The following FERMT1 variants were observed in gnomAD, a reference collection of about 807,000 sequenced individuals.
The protein encoded by FERMT1 is FERM domain containing kindlin 1, also known as fermitin family homolog 1.
A neutral mutation model predicts 85.3 loss-of-function variants in FERMT1; 60 were observed. The observed-to-expected ratio is 0.70, with a 90% CI of 0.57 to 0.87. The LOEUF is 0.87. FERMT1 is among the 40% of genes least tolerant of loss of function. The pLI is 0.00. For missense variants in FERMT1, 701 were observed against 818.9 expected, an observed-to-expected ratio of 0.86 and a Z score of 1.76; for synonymous variants, 275 against 301.1, an observed-to-expected ratio of 0.91 and a Z score of 0.90.
intron 14 of FERMT1, among the ~76,000 whole-genome samples, 160 bp from the exon 15 acceptor site, chr20:6,077,506 T>C (rs150191129): frequency 1.6e-3 from 245 of 152,176 alleles, no homozygotes; most frequent in African/African-American, 5.5e-3. Context: ...ATTAAACGCT[T>C]CCAGAAAACA....
At position 6,115,731 on chromosome 20, in the gene FERMT1, G is replaced by T. The variant is rs1983077140; in HGVS notation, c.385+80C>A. 5.8e-6 allele frequency: 6 copies of T among 1,040,208 alleles called. No individual in the cohort carries two copies. In the East Asian group the frequency reaches 1.4e-4, roughly 25 times the overall value. The allele number at this position is 1,040,208 out of a possible 1,614,324, so 64.4% of individuals were successfully genotyped here. On this transcript the variant is annotated intron_variant, in intron 3 of 14. Coordinates refer to ENST00000217289, the MANE Select transcript of FERMT1 (RefSeq NM_017671.5). ...GAGTGTTCTGTAGCAATTACTTGAA[G>T]TAGGCAGAATGCACACATAATTTTC...
chr20:6,083,264 A>C (rs896941907), intron 13 of FERMT1, among the ~76,000 whole-genome samples: 2 of 152,100 alleles, frequency 1.3e-5, no homozygotes, highest in African/African-American at 4.8e-5. Flanking sequence ...GGGGATAACA[A>C]ATGAGGATGC....
At chr20:6,084,893 G>A (rs569487940) in intron 12 of FERMT1, among the ~76,000 whole-genome samples, 173 bp downstream of exon 12, 8 of 152,146 alleles carry the variant, frequency 5.3e-5, no homozygotes, top group East Asian at 3.9e-4. Context: ...GGATTTTACC[G>A]TGTTGCCCAG....
At chr20:6,111,435 C>A (rs2123142926) in intron 4 of FERMT1, among the ~76,000 whole-genome samples, 1 of 152,112 alleles carries the variant, frequency 6.6e-6, no homozygotes. Context: ...AGTTTGAGAC[C>A]AGCCTGGCCA....
In FERMT1 at chr20:6,119,490, T is replaced by A. The variant is rs368952038; in HGVS notation, c.65A>T (p.Asn22Ile). 9 of 1,614,052 alleles carry A rather than the reference T, an allele frequency of 5.6e-6. No homozygotes were observed. Among genetic ancestry groups the A allele is most frequent in the Non-Finnish European group, 6.8e-6 (8 of 1,180,030 alleles). Residue 22 changes from asparagine to isoleucine, a missense_variant, in exon 2 of 15, where the codon AAT becomes ATT. Coordinates refer to ENST00000217289, the MANE Select transcript of FERMT1 (RefSeq NM_017671.5). Reference protein sequence around the residue: ...WELVVRVDHPNEEQQKDVTLR... With the variant: ...WELVVRVDHPIEEQQKDVTLR... ...TGTGACGTCTTTCTGCTGCTCTTCA[T>A]TGGGATGGTCAACGCGGACCACAAG...
chr20:6,085,078 G>C lies in FERMT1; in HGVS notation c.1581C>G (p.His527Gln). 1 of 1,613,644 alleles carries C rather than the reference G, an allele frequency of 6.2e-7. No individual in the cohort carries two copies. The highest frequency in any genetic ancestry group is 8.5e-7 in the Non-Finnish European group (1 of 1,179,554). The change falls in exon 12 of 15, where the codon CAC becomes CAG. Residue 527 changes from histidine to glutamine, a missense_variant. Physicochemically the swap from His to Gln is conservative, Grantham distance 24 (BLOSUM62 0). Coordinates refer to ENST00000217289, the MANE Select transcript of FERMT1 (RefSeq NM_017671.5). ...CFVSPRCAKRHKSKQLAARIL... is the reference protein window; with the variant it reads ...CFVSPRCAKRQKSKQLAARIL... ...AGATTAACAGTACCTGTTTGGATTT[G>C]TGTCTTTTTGCACACCGTGGTGACA...
chr20:6,077,102 G>A lies in FERMT1; in HGVS notation c.*71C>T, dbSNP rs961187389. On this transcript the variant is annotated 3_prime_UTR_variant, in exon 15 of 15. Transcript: ENST00000217289. ...AGTCCAGAATCTACATGCTGGGCAC[G>A]TTAGGGATCCCTCTGGGGAGGGGCG... 11 of 1,490,294 alleles carry A rather than the reference G, an allele frequency of 7.4e-6. No individual in the cohort carries two copies. The highest frequency in any genetic ancestry group is 1.0e-5 in the Non-Finnish European group (11 of 1,069,116). 92.3% of individuals were successfully genotyped at this position (1,490,294 alleles called of 1,614,324 possible). A position where few individuals can be genotyped will look rare whatever the true frequency, so the allele number is the denominator to read the frequency against.
At chr20:6,089,127 C>T in intron 9 of FERMT1, 38 bp from the exon 10 acceptor site, 1 of 1,601,388 alleles carries the variant, frequency 6.2e-7, no homozygotes, top group Non-Finnish European at 8.5e-7. Flanking sequence ...AAACCACCAC[C>T]CAGAAATGTG....
rs1011878002 is a variant in FERMT1, at chr20:6,075,097, G to C, written c.*2076C>G. 1.4e-5 allele frequency: 2 copies of C among 139,196 alleles called. No individual in the cohort carries two copies. The highest frequency in any genetic ancestry group is 5.3e-5 in the African/African-American group (2 of 37,524). 8.6% of individuals were successfully genotyped at this position (139,196 alleles called of 1,614,324 possible). ...TTGTTTATTTCTTTGGGATGTTGCTGTGTGTCATGGAAGAAACGCTCCCCT... is the reference window on the plus strand; with the variant it reads ...TTGTTTATTTCTTTGGGATGTTGCTCTGTGTCATGGAAGAAACGCTCCCCT... On this transcript the variant is annotated 3_prime_UTR_variant, in exon 15 of 15. Transcript: ENST00000217289.
chr20:6,118,655 A>G (rs1004406771), intron 2 of FERMT1, among the ~76,000 whole-genome samples: 3 of 152,232 alleles, frequency 2.0e-5, no homozygotes, highest in Admixed American at 2.0e-4. Context: ...ATGTTATTAA[A>G]TTCTAGGTTG....
rs988572028 is a variant in FERMT1 at position 6,076,967 on chromosome 20, A to G, written c.*206T>C. 4 of 600,628 alleles carry G rather than the reference A, an allele frequency of 6.7e-6. No homozygotes were observed. The highest frequency in any genetic ancestry group is 1.9e-5 in the African/African-American group (1 of 53,848). 37.2% of individuals were successfully genotyped at this position (600,628 alleles called of 1,614,324 possible). Reference sequence around the variant, plus strand: ...CTACCCATTTTATAGAAAAAACAAGAGAGGCTCCTTCCGTGGCTGGTAGCA... The same window carrying G: ...CTACCCATTTTATAGAAAAAACAAGGGAGGCTCCTTCCGTGGCTGGTAGCA... On this transcript the variant is annotated 3_prime_UTR_variant, in exon 15 of 15. Transcript: ENST00000217289.
At chr20:6,107,054 G>A (rs1982815044) in intron 6 of FERMT1, among the ~76,000 whole-genome samples, 1 of 152,028 alleles carries the variant, frequency 6.6e-6, no homozygotes, top group Non-Finnish European at 1.5e-5. Context: ...AAATTAGCTG[G>A]GCATGGTTGC....
Position 6,085,072 on chromosome 20 carries a change from G to A in FERMT1, c.1587C>T (p.Ser529=), listed in dbSNP as rs764473884. The A allele has an allele frequency of 3.1e-6, 5 of 1,613,012 alleles. No homozygotes were observed. The South Asian group carries it at 4.4e-5, about 14-fold the overall frequency. The change falls in exon 12 of 15, where the codon TCC becomes TCT. Residue 529 remains serine, a synonymous_variant. Coordinates refer to ENST00000217289, the MANE Select transcript of FERMT1 (RefSeq NM_017671.5). ...VSPRCAKRHK[S]KQLAARILEA... is the part of the protein sequence containing the mutation. Reference sequence around the variant, plus strand: ...CTAACAAGATTAACAGTACCTGTTTGGATTTGTGTCTTTTTGCACACCGTG... The same window carrying A: ...CTAACAAGATTAACAGTACCTGTTTAGATTTGTGTCTTTTTGCACACCGTG...
intron 1 of FERMT1, among the ~76,000 whole-genome samples, chr20:6,122,458 A>C (rs552688914): frequency 2.0e-5 from 3 of 152,288 alleles, no homozygotes; most frequent in African/African-American, 4.8e-5. Flanking sequence ...GGAATATCTG[A>C]AGGTGCTTGG....
In FERMT1 at chr20:6,110,332, G is replaced by A. The variant is rs886513862; in HGVS notation, c.712C>T (p.Arg238Trp). Residue 238 changes from arginine (R) to tryptophan (W), a missense_variant, in exon 5 of 15, where the codon CGG becomes TGG. Coordinates refer to ENST00000217289, the MANE Select transcript of FERMT1 (RefSeq NM_017671.5). ...PEALADMYQP[R>W]SLVDKAKLNA... is the part of the protein sequence containing the mutation. ...AGCTTGGCTTTATCAACCAGAGACC[G>A]AGGCTGGTACATATCCGCAAGTGCT... 3 of 1,613,300 alleles carry A rather than the reference G, an allele frequency of 1.9e-6. No individual in the cohort carries two copies. The highest frequency in any genetic ancestry group is 2.7e-5 in the African/African-American group (2 of 74,882).
chr20:6,118,002 T>A (rs1478576270), intron 2 of FERMT1, among the ~76,000 whole-genome samples: 2 of 151,588 alleles, frequency 1.3e-5, no homozygotes, highest in Non-Finnish European at 2.9e-5. Flanking sequence ...AAGCATAAAT[T>A]GGCACAACTA....
At position 6,115,969 on chromosome 20, in the gene FERMT1, G is replaced by A. The variant is rs202213120; in HGVS notation, c.227C>T (p.Thr76Ile). 2.5e-5 allele frequency: 40 copies of A among 1,614,048 alleles called. No individual in the cohort carries two copies. The highest frequency in any genetic ancestry group is 3.1e-5 in the Non-Finnish European group (36 of 1,180,024). The change falls in exon 3 of 15, where the codon ACC (threonine) becomes ATC (isoleucine). Residue 76 changes from threonine to isoleucine, a missense_variant. Transcript: ENST00000217289. ...KHCWLLKTHW[T>I]LDKYGVQADA... ...TGCCTGGACCCCATATTTGTCCAGG[G>A]TCCAGTGGGTTTTCAGAAGCCAGCA... is the stretch of plus-strand genomic sequence containing the variant.
At chr20:6,088,020 G>A (rs1035938349) in intron 10 of FERMT1, 137 bp from the exon 11 acceptor site, 2 of 688,798 alleles carry the variant, frequency 2.9e-6, no homozygotes, top group Non-Finnish European at 5.3e-6. Context: ...GGAGCAAGCT[G>A]ATAACATTAA....
At chr20:6,091,503 A>T (rs1329079684) in intron 9 of FERMT1, among the ~76,000 whole-genome samples, 2 of 152,144 alleles carry the variant, frequency 1.3e-5, no homozygotes, top group East Asian at 3.9e-4. Context: ...AAGTGCTGGG[A>T]TTACAGGCAT....
Sources: gnomAD v4.1 joint callset for allele counts (sites outside exome capture counted in the v4.1 genomes callset) on GRCh38, gnomAD v4.1.1 for gene constraint, MANE v1.5 for transcripts, NCBI Gene and HGNC (gene_info 2026-07-23, HGNC 2026-07-21) for gene names.